The following IKZF1 variants were observed in gnomAD, a reference collection of about 807,000 sequenced individuals.
IKZF1 encodes the protein IKAROS family zinc finger 1.
A neutral mutation model predicts 51.7 loss-of-function variants in IKZF1; 10 were observed. The ratio of observed to expected loss-of-function variants is 0.19; its 90% confidence interval spans 0.12 to 0.33. The LOEUF (loss-of-function observed/expected upper bound fraction) is 0.33. Ranked by LOEUF, IKZF1 falls within the 10% of genes least tolerant of loss-of-function variation. The pLI is 1.00. For missense variants in IKZF1, 484 were observed against 707.5 expected (o/e 0.68, Z 3.58); for synonymous variants, 280 against 282.3 (o/e 0.99, Z 0.08).
intron 3 of IKZF1, among the ~76,000 whole-genome samples, chr7:50,351,040 G>A (rs370854880): frequency 3.9e-5 from 6 of 152,196 alleles, no homozygotes; most frequent in South Asian, 4.1e-4. Flanking sequence ...AATTCAGTTC[G>A]TGTGTTACCT....
chr7:50,343,835 A>G (rs1799695513), intron 3 of IKZF1, among the ~76,000 whole-genome samples: 1 of 152,186 alleles, frequency 6.6e-6, no homozygotes, highest in South Asian at 2.1e-4. Flanking sequence ...AGACCCAAGC[A>G]CTTGCTTTTG....
At chr7:50,392,721 G>A (rs60394654) in intron 7 of IKZF1, among the ~76,000 whole-genome samples, 2,289 of 152,320 alleles carry the variant, frequency 0.015, 65 homozygotes, top group African/African-American at 0.053. Context: ...TGTCCGGAAA[G>A]AGGACCAGTA....
At position 50,400,786 on chromosome 7, in the gene IKZF1, T is replaced by A; in HGVS notation, c.*159T>A. The A allele has an allele frequency of 1.0e-6, 1 of 952,794 alleles. No homozygotes were observed. 59.0% of individuals were successfully genotyped at this position (952,794 alleles called of 1,614,324 possible). On this transcript the variant is annotated 3_prime_UTR_variant, in exon 8 of 8. Transcript: ENST00000331340. This position sits in a 1 kb window ranked among gnomAD's most constrained non-coding sequence, Gnocchi z 5.4. ...TTGTTTTTTGTTTGAGTTGGTTGAT[T>A]GGGGTTTGATTTGCTTTTGAAAAGA...
At chr7:50,316,434 G>A (rs887079992) in intron 1 of IKZF1, among the ~76,000 whole-genome samples, 25 of 152,210 alleles carry the variant, frequency 1.6e-4, no homozygotes, top group Admixed American at 1.6e-3. Flanking sequence ...TGGTGATAGG[G>A]CATGGAGTGG....
At chr7:50,305,879 A>G (rs1036477435) in intron 1 of IKZF1, among the ~76,000 whole-genome samples, 1 of 152,208 alleles carries the variant, frequency 6.6e-6, no homozygotes, top group Non-Finnish European at 1.5e-5. Flanking sequence ...AATGCTTTTA[A>G]GGCCAGGTTC....
Position 50,367,751 on chromosome 7 carries a change from C to T in IKZF1, c.161-8782C>T, listed in dbSNP as rs368579415. 229 of 439,202 alleles carry T rather than the reference C, an allele frequency of 5.2e-4. No homozygotes were observed. The South Asian group carries it at 5.9e-3, about 11-fold the overall frequency. The allele number at this position is 439,202 out of a possible 1,614,324, so 27.2% of individuals were successfully genotyped here. A position where few individuals can be genotyped will look rare whatever the true frequency, so the allele number is the denominator to read the frequency against. On this transcript the variant is annotated intron_variant, in intron 3 of 7. Coordinates refer to ENST00000331340, the MANE Select transcript of IKZF1 (RefSeq NM_006060.6). ...GCTGCACCCTCTAAGATGTTGAACC[C>T]ATCAGTAATTGCTCCAAACCACTTT...
intron 1 of IKZF1, among the ~76,000 whole-genome samples, chr7:50,305,316 T>A (rs902721753): frequency 6.6e-6 from 1 of 152,094 alleles, no homozygotes; most frequent in Non-Finnish European, 1.5e-5. Flanking sequence ...TGAGATCGAG[T>A]CTGAACTTAA....
At chr7:50,321,412 G>A (rs762370640) in intron 2 of IKZF1, among the ~76,000 whole-genome samples, 3 of 152,232 alleles carry the variant, frequency 2.0e-5, no homozygotes, top group African/African-American at 4.8e-5. Flanking sequence ...GATGAGGACT[G>A]TAATCCTCAC....
chr7:50,375,766 G>A (rs936852785), intron 3 of IKZF1, among the ~76,000 whole-genome samples: 2 of 121,280 alleles, frequency 1.6e-5, no homozygotes, highest in African/African-American at 6.4e-5. Context: ...GGAAAAAAAA[G>A]CTCTTCCAGA....
chr7:50,341,578 G>T (rs991388984), intron 3 of IKZF1, among the ~76,000 whole-genome samples: 14 of 152,130 alleles, frequency 9.2e-5, no homozygotes, highest in Non-Finnish European at 1.8e-4. Context: ...AGCATCTGTG[G>T]AACATTATTT....
At chr7:50,387,286 C>T in intron 5 of IKZF1, 59 bp from the exon 6 acceptor site, 3 of 1,576,756 alleles carry the variant, frequency 1.9e-6, no homozygotes, top group Non-Finnish European at 2.6e-6. Flanking sequence ...GCATGCATTC[C>T]CCTTACACAG....
At chr7:50,349,742 A>G (rs1201496768) in intron 3 of IKZF1, among the ~76,000 whole-genome samples, 3 of 152,128 alleles carry the variant, frequency 2.0e-5, no homozygotes, top group Non-Finnish European at 4.4e-5. Flanking sequence ...GCTAGCTGGA[A>G]CCATTTATTC....
intron 2 of IKZF1, among the ~76,000 whole-genome samples, chr7:50,326,900 T>C (rs1251460244): frequency 6.6e-6 from 1 of 152,176 alleles, no homozygotes; most frequent in African/African-American, 2.4e-5. Flanking sequence ...TCCCTGGTTC[T>C]TGCAAAGAAA....
At chr7:50,363,553 G>T (rs1249727911) in intron 3 of IKZF1, among the ~76,000 whole-genome samples, 1 of 152,126 alleles carries the variant, frequency 6.6e-6, no homozygotes, top group African/African-American at 2.4e-5. Flanking sequence ...TGTGTCCCTG[G>T]GTCCCACTGA....
chr7:50,317,083 T>C (rs1791767289), intron 1 of IKZF1, among the ~76,000 whole-genome samples: 1 of 152,208 alleles, frequency 6.6e-6, no homozygotes, highest in African/African-American at 2.4e-5. Context: ...GAAAAAATAG[T>C]AGTCCTAAGT....
intron 6 of IKZF1, 36 bp from the exon 7 acceptor site, chr7:50,391,693 G>A (rs770852922): frequency 1.2e-6 from 2 of 1,611,606 alleles, no homozygotes; most frequent in South Asian, 1.1e-5. Context: ...TTAAACATAA[G>A]CCTTTCTAAA....
intron 3 of IKZF1, among the ~76,000 whole-genome samples, chr7:50,360,424 A>G (rs1178795215): frequency 6.6e-6 from 1 of 152,180 alleles, no homozygotes; most frequent in Non-Finnish European, 1.5e-5. Context: ...GTTTGTTCTC[A>G]TTTGAAGTCA....
intron 7 of IKZF1, chr7:50,394,287 C>G (rs542741590): frequency 4.3e-6 from 1 of 233,050 alleles, no homozygotes; most frequent in Non-Finnish European, 8.5e-6. Flanking sequence ...ACCTTACCCC[C>G]GCTTCAACTT....
intron 3 of IKZF1, among the ~76,000 whole-genome samples, chr7:50,371,481 C>A (rs974581761): frequency 3.9e-5 from 6 of 152,250 alleles, no homozygotes; most frequent in Non-Finnish European, 7.3e-5. Flanking sequence ...CCCTGAACTC[C>A]TCACTCCTTG....
Sources: gnomAD v4.1 joint callset for allele counts (sites outside exome capture counted in the v4.1 genomes callset) on GRCh38, gnomAD v4.1.1 for gene constraint, Gnocchi (gnomAD v3.1) non-coding constraint, MANE v1.5 for transcripts, NCBI Gene and HGNC (gene_info 2026-07-23, HGNC 2026-07-21) for gene names.